Variants in PRKX observed in about 807,000 individuals in gnomAD.
PRKX encodes protein kinase cAMP-dependent X-linked catalytic subunit.
In PRKX, 12 loss-of-function variants were observed where a neutral mutation model predicts 22.0. The ratio of observed to expected loss-of-function variants is 0.54; its 90% confidence interval spans 0.35 to 0.88. The LOEUF is 0.88. PRKX is among the 40% of genes least tolerant of loss of function. The pLI is 0.01. For missense variants in PRKX, 217 were observed against 308.0 expected (o/e 0.70, Z 2.21); for synonymous variants, 134 against 137.7 (o/e 0.97, Z 0.19).
At chrX:3,630,359 G>C (rs1385036428) in intron 4 of PRKX, among the ~76,000 whole-genome samples, 1 of 111,246 alleles carries the variant, frequency 9.0e-6, no homozygotes, top group East Asian at 2.8e-4. Context: ...AGGAGATCGA[G>C]ACCATCCTGG....
intron 6 of PRKX, among the ~76,000 whole-genome samples, chrX:3,617,891 T>G: frequency 9.2e-6 from 1 of 109,193 alleles, no homozygotes; most frequent in Non-Finnish European, 1.9e-5. Flanking sequence ...ACCTAATACT[T>G]GGTAATGATA....
chrX:3,697,194 A>G (rs971475354), intron 1 of PRKX, among the ~76,000 whole-genome samples: 1 of 111,291 alleles, frequency 9.0e-6, no homozygotes, highest in African/African-American at 3.3e-5. Context: ...CCACACCCCC[A>G]TGTCTACTAA....
At position 3,655,389 on chromosome X, in the gene PRKX, C is replaced by T. The variant is rs199909092; in HGVS notation, c.359G>A (p.Arg120His). Residue 120 changes from arginine (R) to histidine (H), a missense_variant, in exon 3 of 9, where the codon CGC becomes CAC. Transcript: ENST00000262848. Reference protein sequence around the residue: ...IRLFWTWHDERFLYMLMEYVP... With the variant: ...IRLFWTWHDEHFLYMLMEYVP... Reference sequence around the variant, plus strand: ...GTACTCCATGAGCATGTAGAGGAAGCGCTCGTCATGCCACGTCCAGAACCT... The same window carrying T: ...GTACTCCATGAGCATGTAGAGGAAGTGCTCGTCATGCCACGTCCAGAACCT... The T allele has an allele frequency of 7.4e-6, 9 of 1,210,891 alleles. No homozygotes were observed. In the East Asian group the frequency reaches 1.5e-4, roughly 20 times the overall value.
At chrX:3,617,082 G>A (rs982805313) in intron 6 of PRKX, among the ~76,000 whole-genome samples, 7 of 108,984 alleles carry the variant, frequency 6.4e-5, no homozygotes, top group Admixed American at 3.0e-4. Flanking sequence ...ACATACACAC[G>A]TTAATATATA....
intron 3 of PRKX, among the ~76,000 whole-genome samples, chrX:3,653,789 GAT>G (rs1308409144): frequency 3.2e-5 from 2 of 63,005 alleles, no homozygotes; most frequent in African/African-American, 1.3e-4. Context: ...TATACTATGT[GAT>G]ATATATAATA....
intron 7 of PRKX, among the ~76,000 whole-genome samples, chrX:3,613,876 AAAAAGAAG>A (rs1293777907): frequency 4.9e-5 from 5 of 101,937 alleles, no homozygotes; most frequent in East Asian, 3.2e-4. Context: ...AAAAAAAAAA[AAAAAGAAG>A]CGTATCATCC....
chrX:3,667,380 G>A (rs753118917), intron 2 of PRKX: 38 of 110,487 alleles, frequency 3.4e-4, no homozygotes, highest in African/African-American at 1.2e-3. Context: ...GTGAGAAGAA[G>A]AAAATGAGCC....
At chrX:3,636,151 T>G (rs1926882455) in intron 4 of PRKX, among the ~76,000 whole-genome samples, 2 of 112,456 alleles carry the variant, frequency 1.8e-5, no homozygotes, top group African/African-American at 6.5e-5. Context: ...CTGTGCTTAG[T>G]GGAAGATTGA....
At chrX:3,711,755 G>A (rs181251332) in intron 1 of PRKX, among the ~76,000 whole-genome samples, 1 of 111,101 alleles carries the variant, frequency 9.0e-6, no homozygotes, top group African/African-American at 3.3e-5. Flanking sequence ...AGAGAGAGAG[G>A]AGGGAGGGAG....
intron 6 of PRKX, among the ~76,000 whole-genome samples, chrX:3,620,577 G>C (rs1926532825): frequency 8.9e-6 from 1 of 112,310 alleles, no homozygotes; most frequent in African/African-American, 3.2e-5. Flanking sequence ...ATTAGCACCT[G>C]AGCTCCGCCT....
chrX:3,642,198 T>A (rs1308544610), intron 3 of PRKX, among the ~76,000 whole-genome samples: 2 of 111,358 alleles, frequency 1.8e-5, no homozygotes, highest in Non-Finnish European at 3.8e-5. Flanking sequence ...GGTTTTATCA[T>A]CCTTGCTCCT....
At chrX:3,627,467 CTT>C (rs35486033) in intron 4 of PRKX, among the ~76,000 whole-genome samples, 13 of 98,532 alleles carry the variant, frequency 1.3e-4, no homozygotes, top group African/African-American at 1.8e-4. Context: ...AAAGGGAACT[CTT>C]TTTTTTTTTT....
chrX:3,712,233 C>A (rs1928805216), intron 1 of PRKX, among the ~76,000 whole-genome samples: 1 of 111,491 alleles, frequency 9.0e-6, no homozygotes, highest in Admixed American at 9.5e-5. Context: ...CATTTATTTT[C>A]TTGACAGCCA....
chrX:3,613,150 CAAAAAAAAAAAAAAA>C lies in PRKX; in HGVS notation c.952-840_952-826del, dbSNP rs528688936. Among the ~76,000 whole-genome samples the C allele has an allele frequency of 1.5e-4, 8 of 54,324 alleles. No individual in the cohort carries two copies. In the East Asian group the frequency reaches 2.4e-3, roughly 16 times the overall value. The allele number at this position is 54,324 out of a possible 115,157, so 47.2% of individuals were successfully genotyped here. ...TGGGCAACGGAGCAAGACTTCGTCTCAAAAAAAAAAAAAAAAAAAAAAAAAAAAAAAAAAAAATGA... is the reference window on the plus strand; with the variant it reads ...TGGGCAACGGAGCAAGACTTCGTCTCAAAAAAAAAAAAAAAAAAAAAATGA... On this transcript the variant is annotated intron_variant, in intron 7 of 8. Coordinates refer to ENST00000262848, the MANE Select transcript of PRKX (RefSeq NM_005044.5).
chrX:3,640,987 G>C (rs1927067223), intron 4 of PRKX, among the ~76,000 whole-genome samples: 1 of 111,481 alleles, frequency 9.0e-6, no homozygotes, highest in Non-Finnish European at 1.9e-5. Flanking sequence ...GCTCTAAAAA[G>C]GGGAGGAACC....
At chrX:3,652,456 C>T (rs1490198909) in intron 3 of PRKX, among the ~76,000 whole-genome samples, 2 of 107,513 alleles carry the variant, frequency 1.9e-5, no homozygotes, top group Admixed American at 1.0e-4. Flanking sequence ...TGGTGGCGGG[C>T]ACCTGTAATC....
chrX:3,657,575 C>A (rs757920943), intron 2 of PRKX, among the ~76,000 whole-genome samples: 1 of 112,540 alleles, frequency 8.9e-6, no homozygotes, highest in African/African-American at 3.2e-5. Context: ...AACTAACCTA[C>A]AACACACACA....
intron 1 of PRKX, among the ~76,000 whole-genome samples, chrX:3,697,296 G>A (rs1420851340): frequency 9.0e-6 from 1 of 110,897 alleles, no homozygotes; most frequent in Non-Finnish European, 1.9e-5. Context: ...AGCCCAGGAG[G>A]TGAAGGCTGC....
chrX:3,643,870 C>T (rs17335261), intron 3 of PRKX, among the ~76,000 whole-genome samples: 29,106 of 109,399 alleles, frequency 0.27, 3,082 homozygotes, highest in Admixed American at 0.41. Context: ...TGCCTGAGTC[C>T]GCACTGTTTG....
Sources: gnomAD v4.1 joint callset for allele counts (sites outside exome capture counted in the v4.1 genomes callset) on GRCh38, gnomAD v4.1.1 for gene constraint, MANE v1.5 for transcripts, NCBI Gene and HGNC (gene_info 2026-07-23, HGNC 2026-07-21) for gene names.